ATRN: variants seen among roughly 807,000 people sequenced by gnomAD.
The protein encoded by ATRN is attractin-2.
In ATRN, 54 loss-of-function variants were observed where a neutral mutation model predicts 178.7. The ratio of observed to expected loss-of-function variants is 0.30; its 90% CI spans 0.24 to 0.38. ATRN has a LOEUF of 0.38. ATRN is among the 10% of genes least tolerant of loss of function. The pLI is 1.00. For synonymous variants in ATRN, 636 were observed against 663.0 expected (o/e 0.96, Z 0.63); for missense variants, 1,443 against 1,815.1 (o/e 0.79, Z 3.73).
chr20:3,528,672 C>T (rs1463047414), intron 1 of ATRN, among the ~76,000 whole-genome samples: 2 of 151,932 alleles, frequency 1.3e-5, no homozygotes, highest in African/African-American at 4.8e-5. Flanking sequence ...ATTATCTGTA[C>T]ATCAAACCCC....
chr20:3,634,741 C>A (rs1299081303), intron 26 of ATRN, among the ~76,000 whole-genome samples: 2 of 152,194 alleles, frequency 1.3e-5, no homozygotes, highest in African/African-American at 4.8e-5. Flanking sequence ...TGATTAGGCA[C>A]CGCCTTCATG....
At chr20:3,471,598 G>A in intron 1 of ATRN, 81 bp downstream of exon 1, 3 of 1,349,578 alleles carry the variant, frequency 2.2e-6, no homozygotes, top group Admixed American at 4.1e-5. Context: ...CCAGGTCAGA[G>A]GGAGATGCTG....
In ATRN at chr20:3,646,714, T is replaced by C; in HGVS notation, c.4166-9T>C. ...TCCCAGCATATGTTCTCTCTGTGGTTCTCCCAAGGTCTTGCTGTGGCCAGC... is the reference window on the plus strand; with the variant it reads ...TCCCAGCATATGTTCTCTCTGTGGTCCTCCCAAGGTCTTGCTGTGGCCAGC... On this transcript the variant is annotated splice_polypyrimidine_tract_variant and intron_variant, in intron 28 of 28. Coordinates refer to ENST00000262919, the MANE Select transcript of ATRN (RefSeq NM_139321.3). 1 of 1,593,770 alleles carries C rather than the reference T, an allele frequency of 6.3e-7. No homozygotes were observed. The highest frequency in any genetic ancestry group is 8.6e-7 in the Non-Finnish European group (1 of 1,169,332).
chr20:3,641,635 A>T (rs1299354344), intron 27 of ATRN, among the ~76,000 whole-genome samples: 1 of 149,332 alleles, frequency 6.7e-6, no homozygotes, highest in Non-Finnish European at 1.5e-5. Context: ...TCACCTGCAA[A>T]GGAATGACAA....
At chr20:3,518,002 T>A (rs1275909472) in intron 1 of ATRN, among the ~76,000 whole-genome samples, 2 of 152,338 alleles carry the variant, frequency 1.3e-5, no homozygotes, top group African/African-American at 4.8e-5. Context: ...TTGATTAACT[T>A]AGCTGAGTTC....
chr20:3,474,064 T>C (rs555232779), intron 1 of ATRN, among the ~76,000 whole-genome samples: 2 of 152,018 alleles, frequency 1.3e-5, no homozygotes, highest in Non-Finnish European at 2.9e-5. Flanking sequence ...GCTCTCAGAG[T>C]ACACACCTGG....
At chr20:3,559,606 C>T (rs1042139145) in intron 7 of ATRN, 123 bp downstream of exon 7, 9 of 713,002 alleles carry the variant, frequency 1.3e-5, no homozygotes, top group South Asian at 7.5e-5. Flanking sequence ...TTATTGGGGG[C>T]ATTATATAAT....
At chr20:3,483,685 T>C (rs973568837) in intron 1 of ATRN, among the ~76,000 whole-genome samples, 3 of 152,196 alleles carry the variant, frequency 2.0e-5, no homozygotes, top group Admixed American at 6.5e-5. Flanking sequence ...TGCATACATG[T>C]GTGATTTTTC....
At chr20:3,600,224 T>C (rs1212027300) in intron 22 of ATRN, among the ~76,000 whole-genome samples, 1 of 152,192 alleles carries the variant, frequency 6.6e-6, no homozygotes, top group Non-Finnish European at 1.5e-5. Flanking sequence ...CTCAGCAATA[T>C]CTTTATTAGT....
intron 6 of ATRN, among the ~76,000 whole-genome samples, chr20:3,557,225 A>AT (rs1395458626): frequency 2.0e-5 from 3 of 152,242 alleles, no homozygotes; most frequent in African/African-American, 7.2e-5. Context: ...ATATCATGTC[A>AT]TAAAAAAAAT....
chr20:3,578,142 T>C (rs1001665383), intron 14 of ATRN, among the ~76,000 whole-genome samples: 29 of 152,344 alleles, frequency 1.9e-4, no homozygotes, highest in Admixed American at 1.4e-3. Context: ...CCTGATGATA[T>C]GAAAACAGTG....
intron 1 of ATRN, among the ~76,000 whole-genome samples, chr20:3,515,305 G>C (rs2085192649): frequency 6.6e-6 from 1 of 152,152 alleles, no homozygotes; most frequent in Non-Finnish European, 1.5e-5. Context: ...AATGTATATA[G>C]GTGGTATGTA....
At chr20:3,541,484 A>G (rs1286221097) in intron 3 of ATRN, among the ~76,000 whole-genome samples, 2 of 152,200 alleles carry the variant, frequency 1.3e-5, no homozygotes, top group Non-Finnish European at 2.9e-5. Flanking sequence ...GGGTATATTC[A>G]TACAAATAGA....
At chr20:3,642,059 C>A (rs771739828) in intron 27 of ATRN, among the ~76,000 whole-genome samples, 2 of 152,184 alleles carry the variant, frequency 1.3e-5, no homozygotes, top group African/African-American at 2.4e-5. Context: ...AAAACATTTT[C>A]TTGATTTTCT....
rs2086996422 is a variant in ATRN, at chr20:3,632,455, C to T, written c.3864-1856C>T. 6.6e-6 allele frequency among the ~76,000 whole-genome samples: 1 copy of T among 152,166 alleles called. No individual in the cohort carries two copies. The highest frequency in any genetic ancestry group is 2.1e-4 in the South Asian group (1 of 4,828). ...CACACCCCACTCCAAACATGCTGGCCTCCTGAGGCTCCCCAAGCCATCCCA... is the reference window on the plus strand; with the variant it reads ...CACACCCCACTCCAAACATGCTGGCTTCCTGAGGCTCCCCAAGCCATCCCA... On this transcript the variant is annotated intron_variant, in intron 25 of 28. Coordinates refer to ENST00000262919, the MANE Select transcript of ATRN (RefSeq NM_139321.3). The surrounding 1 kb of genome is among the most constrained non-coding windows in gnomAD (Gnocchi z 4.2).
At chr20:3,508,084 C>T (rs2085072491) in intron 1 of ATRN, among the ~76,000 whole-genome samples, 2 of 151,796 alleles carry the variant, frequency 1.3e-5, no homozygotes, top group South Asian at 2.1e-4. Flanking sequence ...CGTGATGGCT[C>T]ATACCTGTAA....
intron 3 of ATRN, among the ~76,000 whole-genome samples, chr20:3,542,980 C>G (rs1185693196): frequency 6.6e-6 from 1 of 152,092 alleles, no homozygotes; most frequent in Non-Finnish European, 1.5e-5. Context: ...TGGCCCTGAT[C>G]TTGTCAGTAC....
intron 1 of ATRN, among the ~76,000 whole-genome samples, chr20:3,509,993 C>G (rs980166834): frequency 7.9e-5 from 12 of 152,276 alleles, no homozygotes; most frequent in Admixed American, 6.5e-4. Flanking sequence ...TAATTTTTCC[C>G]TCTGAACCTT....
chr20:3,618,547 G>T lies in ATRN; in HGVS notation c.3802-5964G>T, dbSNP rs548831094. The stretch of plus-strand genomic sequence containing the variant: ...AGTGTGATAGAATAGGAATTCTGGA[G>T]AATGGTCAAAAGGAATTGCTAGGAG... On this transcript the variant is annotated intron_variant, in intron 24 of 28. Transcript: ENST00000262919. Among the ~76,000 whole-genome samples, 6 of 152,306 alleles carry T rather than the reference G, an allele frequency of 3.9e-5. No individual in the cohort carries two copies. In the East Asian group the frequency reaches 1.2e-3, roughly 29 times the overall value.
Sources: gnomAD v4.1 joint callset for allele counts (sites outside exome capture counted in the v4.1 genomes callset) on GRCh38, gnomAD v4.1.1 for gene constraint, Gnocchi (gnomAD v3.1) non-coding constraint, MANE v1.5 for transcripts, NCBI Gene and HGNC (gene_info 2026-07-23, HGNC 2026-07-21) for gene names.